GPC5: variants seen among roughly 807,000 people sequenced by gnomAD.
GPC5 encodes the protein glypican-5.
Under a neutral mutation model 53.9 loss-of-function variants are expected in GPC5, and 47 were observed. The ratio of observed to expected loss-of-function variants is 0.87; its 90% CI spans 0.69 to 1.11. The LOEUF is 1.11. Ranked by LOEUF, GPC5 falls within the 50% of genes most tolerant of loss-of-function variation. GPC5 has a pLI of 0.00. For missense variants in GPC5, 748 were observed against 713.1 expected, an observed-to-expected ratio of 1.05 and a Z score of -0.56; for synonymous variants, 286 against 263.3, an observed-to-expected ratio of 1.09 and a Z score of -0.84.
chr13:91,631,523 A>G (rs181643219), intron 2 of GPC5, among the ~76,000 whole-genome samples: 3 of 152,286 alleles, frequency 2.0e-5, no homozygotes, highest in Admixed American at 6.5e-5. Flanking sequence ...CCTCAAAACA[A>G]ATAGTGCTTT....
intron 6 of GPC5, among the ~76,000 whole-genome samples, chr13:92,129,132 T>C (rs9523513): frequency 0.71 from 108,211 of 152,014 alleles, 41,779 homozygotes; most frequent in East Asian, 1. Context: ...CTAAGCTCAA[T>C]ACCCCTGAAA....
intron 7 of GPC5, among the ~76,000 whole-genome samples, chr13:92,513,266 C>T (rs564851724): frequency 6.6e-6 from 1 of 152,260 alleles, no homozygotes; most frequent in African/African-American, 2.4e-5. Flanking sequence ...GAATCATTGA[C>T]AGTGTGCTTA....
chr13:91,842,137 T>C (rs2038794612), intron 5 of GPC5, among the ~76,000 whole-genome samples: 1 of 152,072 alleles, frequency 6.6e-6, no homozygotes, highest in Non-Finnish European at 1.5e-5. Context: ...AAGAAGGGTT[T>C]CTTTTCTAGT....
intron 7 of GPC5, among the ~76,000 whole-genome samples, chr13:92,766,286 C>T (rs1875401704): frequency 6.6e-6 from 1 of 152,022 alleles, no homozygotes; most frequent in South Asian, 2.1e-4. Context: ...TAAACCCATC[C>T]ACCCACCCAC....
chr13:91,715,770 GTCTCTCTC>G (rs55859912), intron 3 of GPC5, among the ~76,000 whole-genome samples: 6 of 132,834 alleles, frequency 4.5e-5, no homozygotes, highest in East Asian at 4.5e-4. Flanking sequence ...TTAAGATAGG[GTCTCTCTC>G]TCTCTCTCTC....
intron 7 of GPC5, among the ~76,000 whole-genome samples, chr13:92,834,276 G>A (rs1878149580): frequency 6.6e-6 from 1 of 151,996 alleles, no homozygotes; most frequent in Admixed American, 6.6e-5. Context: ...CTCTTTCAAT[G>A]GTAAGAAAAA....
At chr13:92,079,628 G>A (rs936006930) in intron 6 of GPC5, among the ~76,000 whole-genome samples, 5 of 152,168 alleles carry the variant, frequency 3.3e-5, no homozygotes, top group Non-Finnish European at 7.3e-5. Flanking sequence ...TCTTAAGGAT[G>A]TCTGCACCTG....
chr13:92,655,109 C>T (rs1388599736), intron 7 of GPC5, among the ~76,000 whole-genome samples: 1 of 152,048 alleles, frequency 6.6e-6, no homozygotes, highest in Non-Finnish European at 1.5e-5. Context: ...CCTATCCACA[C>T]CTTCATTTCA....
intron 5 of GPC5, among the ~76,000 whole-genome samples, chr13:91,879,861 G>A (rs2039245355): frequency 6.6e-6 from 1 of 152,082 alleles, no homozygotes; most frequent in South Asian, 2.1e-4. Context: ...GATTTCTCAG[G>A]AAGTGTAGAA....
chr13:91,480,763 C>T (rs899991134), intron 2 of GPC5, among the ~76,000 whole-genome samples: 8 of 152,250 alleles, frequency 5.3e-5, no homozygotes, highest in African/African-American at 1.9e-4. Flanking sequence ...GGAGGGTTCA[C>T]CTAGGTTATA....
intron 7 of GPC5, among the ~76,000 whole-genome samples, chr13:92,562,874 G>A (rs1882741611): frequency 6.6e-6 from 1 of 151,850 alleles, no homozygotes; most frequent in South Asian, 2.1e-4. Context: ...CTTTTTTTGT[G>A]TGAAAACAAA....
intron 7 of GPC5, among the ~76,000 whole-genome samples, chr13:92,613,678 T>G (rs2139102266): frequency 7.2e-6 from 1 of 138,424 alleles, no homozygotes; most frequent in Non-Finnish European, 1.5e-5. Context: ...ATTATATATA[T>G]TTTATATAAT....
intron 6 of GPC5, among the ~76,000 whole-genome samples, chr13:92,114,797 C>G (rs2041587634): frequency 6.6e-6 from 1 of 152,100 alleles, no homozygotes; most frequent in African/African-American, 2.4e-5. Flanking sequence ...ATAAGCTAAC[C>G]AGGTTTCCTT....
intron 7 of GPC5, among the ~76,000 whole-genome samples, chr13:92,401,072 G>C: frequency 6.6e-6 from 1 of 151,862 alleles, no homozygotes; most frequent in East Asian, 1.9e-4. Context: ...TTCCCAAAAT[G>C]GAGCTTTCAG....
At chr13:92,592,195 GA>G (rs1883734060) in intron 7 of GPC5, among the ~76,000 whole-genome samples, 1 of 152,212 alleles carries the variant, frequency 6.6e-6, no homozygotes, top group South Asian at 2.1e-4. Context: ...CCTCCTAGCT[GA>G]AGTTTGGAGA....
intron 7 of GPC5, among the ~76,000 whole-genome samples, chr13:92,647,762 G>A (rs1885821878): frequency 6.6e-6 from 1 of 152,078 alleles, no homozygotes; most frequent in Admixed American, 6.6e-5. Flanking sequence ...AATAATGGAA[G>A]CTAACTCTTC....
At chr13:91,446,087 A>C (rs1306039278) in intron 1 of GPC5, among the ~76,000 whole-genome samples, 1 of 152,014 alleles carries the variant, frequency 6.6e-6, no homozygotes, top group Non-Finnish European at 1.5e-5. Context: ...ATATCATGTC[A>C]TCTAATTTTG....
At chr13:92,345,251 G>A (rs532567037) in intron 7 of GPC5, among the ~76,000 whole-genome samples, 1 of 152,172 alleles carries the variant, frequency 6.6e-6, no homozygotes, top group South Asian at 2.1e-4. Flanking sequence ...AAAATTGTGA[G>A]GAAGAACTAT....
chr13:91,927,918 G>C (rs1171452550), intron 6 of GPC5, among the ~76,000 whole-genome samples: 1 of 152,010 alleles, frequency 6.6e-6, no homozygotes, highest in African/African-American at 2.4e-5. Flanking sequence ...TTCTTCAAAG[G>C]GCAAGAATAT....
Sources: gnomAD v4.1 joint callset for allele counts (sites outside exome capture counted in the v4.1 genomes callset) on GRCh38, gnomAD v4.1.1 for gene constraint, MANE v1.5 for transcripts, NCBI Gene and HGNC (gene_info 2026-07-23, HGNC 2026-07-21) for gene names.